The following NFATC2 variants were observed in gnomAD, a reference collection of about 807,000 sequenced individuals.
NFATC2 encodes the protein nuclear factor of activated T cells 2, also known as nuclear factor of activated T-cells, cytoplasmic 2.
NFATC2 carries 22 observed loss-of-function variants against 87.3 expected under a neutral mutation model. The observed-to-expected ratio is 0.25, with a 90% CI of 0.18 to 0.36. The LOEUF is 0.36. Among genes scored for constraint, NFATC2 ranks in the 10% least tolerant of loss-of-function variants. The pLI, the probability that NFATC2 is intolerant of heterozygous loss-of-function variation, is 1.00. For missense variants in NFATC2, 1,149 were observed against 1,259.1 expected (o/e 0.91, Z 1.32); for synonymous variants, 565 against 542.2 (o/e 1.04, Z -0.58).
intron 9 of NFATC2, among the ~76,000 whole-genome samples, chr20:51,426,924 G>A (rs1981922760): frequency 6.6e-6 from 1 of 152,060 alleles, no homozygotes; most frequent in African/African-American, 2.4e-5. Flanking sequence ...GAAGAACAGG[G>A]CAGAAGTAGA....
intron 9 of NFATC2, among the ~76,000 whole-genome samples, chr20:51,404,236 C>A (rs1444423555): frequency 6.6e-6 from 1 of 152,194 alleles, no homozygotes; most frequent in Non-Finnish European, 1.5e-5. Flanking sequence ...GGGTCAGAGT[C>A]CCAGGGACAC....
intron 9 of NFATC2, among the ~76,000 whole-genome samples, chr20:51,408,251 C>T (rs985485668): frequency 5.9e-5 from 9 of 152,116 alleles, no homozygotes; most frequent in South Asian, 2.1e-4. Context: ...TGGTGGCTCA[C>T]GCCTGTAATC....
In NFATC2 at chr20:51,391,155, C is replaced by T; in HGVS notation, c.*341G>A. On this transcript the variant is annotated 3_prime_UTR_variant, in exon 11 of 11. Coordinates refer to ENST00000371564, the MANE Select transcript of NFATC2 (RefSeq NM_012340.5). ...GCAGGTGCTTACTATTTGGACGGAA[C>T]ACCATTAAGATCAACCAGGATGCTC... The T allele has an allele frequency of 1.5e-6, 1 of 663,500 alleles. No individual in the cohort carries two copies. Among genetic ancestry groups the T allele is most frequent in the Non-Finnish European group, 2.8e-6 (1 of 360,112 alleles). 41.1% of individuals were successfully genotyped at this position (663,500 alleles called of 1,614,324 possible).
intron 6 of NFATC2, among the ~76,000 whole-genome samples, chr20:51,441,435 G>A (rs1224394217): frequency 1.3e-5 from 2 of 151,758 alleles, no homozygotes; most frequent in Non-Finnish European, 2.9e-5. Flanking sequence ...ATAAAGTTTG[G>A]CCAGGTTCGG....
chr20:51,472,585 C>T (rs1452169474), intron 5 of NFATC2, among the ~76,000 whole-genome samples: 1 of 149,846 alleles, frequency 6.7e-6, no homozygotes, highest in South Asian at 2.1e-4. Context: ...ACAATAGAAA[C>T]AGTTTTTGTT....
At chr20:51,454,517 G>A in intron 6 of NFATC2, 31 bp downstream of exon 6, 1 of 1,612,116 alleles carries the variant, frequency 6.2e-7, no homozygotes. Context: ...TGATTCTGGG[G>A]GACAGAGAAA....
chr20:51,553,242 T>C (rs1165184914), intron 1 of NFATC2, among the ~76,000 whole-genome samples: 2 of 152,146 alleles, frequency 1.3e-5, no homozygotes, highest in African/African-American at 4.8e-5. Context: ...CGGGAGCCTG[T>C]GAGCTTGAGC....
At position 51,435,590 on chromosome 20, in the gene NFATC2, T is replaced by A. The variant is rs1983440490; in HGVS notation, c.1905+116A>T. The A allele has an allele frequency of 5.3e-6, 6 of 1,138,142 alleles. No homozygotes were observed. The East Asian group carries it at 1.3e-4, about 24-fold the overall frequency. The allele number at this position is 1,138,142 out of a possible 1,614,324, so 70.5% of individuals were successfully genotyped here. A position where few individuals can be genotyped will look rare whatever the true frequency, so the allele number is the denominator to read the frequency against. On this transcript the variant is annotated intron_variant, in intron 7 of 10. Coordinates refer to ENST00000371564, the MANE Select transcript of NFATC2 (RefSeq NM_012340.5). ...CATTAATATGCACATATTGAGTACC[T>A]GTTAGGTCCAGAGCTCTGGGGGACA...
intron 9 of NFATC2, among the ~76,000 whole-genome samples, chr20:51,416,610 T>C (rs530534406): frequency 2.0e-5 from 3 of 152,334 alleles, no homozygotes; most frequent in African/African-American, 7.2e-5. Context: ...AAGACATTTC[T>C]GCAGCCCTGG....
rs770217617 is a variant in NFATC2, at chr20:51,524,108, C to T, written c.133G>A (p.Glu45Lys). 5.5e-6 allele frequency: 8 copies of T among 1,452,042 alleles called. No individual in the cohort carries two copies. Among genetic ancestry groups the T allele is most frequent in the Non-Finnish European group, 6.3e-6 (7 of 1,104,700 alleles). The allele number at this position is 1,452,042 out of a possible 1,614,324, so 89.9% of individuals were successfully genotyped here. Residue 45 changes from glutamate to lysine, a missense_variant and splice_region_variant, in exon 2 of 11, where the codon GAG becomes AAG. This residue lies in a region of NFATC2 where 563 missense variants were observed against 585.2 expected (regional missense o/e 0.96). Coordinates refer to ENST00000371564, the MANE Select transcript of NFATC2 (RefSeq NM_012340.5). The surrounding 1 kb of genome is among the most constrained non-coding windows in gnomAD (Gnocchi z 4.0). ...DYEYLNPNEE[E>K]PNAHKVASPP... is the part of the protein sequence containing the mutation. The stretch of plus-strand genomic sequence containing the variant: ...CTGGCGACCTTATGTGCATTCGGCT[C>T]TTCTGGAAAGAGAAGGGGGAAGGGG...
intron 9 of NFATC2, among the ~76,000 whole-genome samples, chr20:51,407,305 A>G (rs1348577300): frequency 6.6e-6 from 1 of 152,122 alleles, no homozygotes. Context: ...TTCCAACAGA[A>G]CACTTGGCAC....
intron 9 of NFATC2, among the ~76,000 whole-genome samples, chr20:51,413,012 G>A (rs1315423995): frequency 3.8e-4 from 15 of 39,838 alleles, no homozygotes; most frequent in South Asian, 1.7e-3. Flanking sequence ...CCCCCTCCCC[G>A]CCAAACACAT....
At chr20:51,525,187 G>A (rs532812817) in intron 1 of NFATC2, among the ~76,000 whole-genome samples, 63 of 152,258 alleles carry the variant, frequency 4.1e-4, no homozygotes, top group Middle Eastern at 6.8e-3. Context: ...GCCACTGCAT[G>A]CCGGCCTGGG....
chr20:51,528,628 G>C (rs2076584783), intron 1 of NFATC2, among the ~76,000 whole-genome samples: 1 of 152,192 alleles, frequency 6.6e-6, no homozygotes, highest in Non-Finnish European at 1.5e-5. Context: ...GGAGGACAGT[G>C]GCATGGCAGA....
intron 1 of NFATC2, among the ~76,000 whole-genome samples, chr20:51,556,263 T>C (rs753280397): frequency 1.3e-5 from 2 of 152,184 alleles, no homozygotes; most frequent in East Asian, 3.9e-4. Context: ...TATGAGAGAA[T>C]AAATATGTAT....
intron 5 of NFATC2, among the ~76,000 whole-genome samples, chr20:51,467,662 CT>C (rs1464909425): frequency 6.6e-6 from 1 of 152,166 alleles, no homozygotes; most frequent in Admixed American, 6.5e-5. Context: ...CCATTTTACT[CT>C]CATTAGAAGG....
At position 51,391,047 on chromosome 20, in the gene NFATC2, C is replaced by G; in HGVS notation, c.*449G>C. The G allele has an allele frequency of 2.4e-6, 1 of 421,282 alleles. No individual in the cohort carries two copies. Among genetic ancestry groups the G allele is most frequent in the Middle Eastern group, 7.4e-4 (1 of 1,346 alleles). 26.1% of individuals were successfully genotyped at this position (421,282 alleles called of 1,614,324 possible). A position where few individuals can be genotyped will look rare whatever the true frequency, so the allele number is the denominator to read the frequency against. On this transcript the variant is annotated 3_prime_UTR_variant, in exon 11 of 11. Coordinates refer to ENST00000371564, the MANE Select transcript of NFATC2 (RefSeq NM_012340.5). Reference sequence around the variant, plus strand: ...ATCACAGTGCCCACATCTTCTGTCCCCCGTCCATCCCCCCAAGCTCCAGTC... The same window carrying G: ...ATCACAGTGCCCACATCTTCTGTCCGCCGTCCATCCCCCCAAGCTCCAGTC...
chr20:51,529,457 T>C (rs1316819603), intron 1 of NFATC2, among the ~76,000 whole-genome samples: 1 of 152,216 alleles, frequency 6.6e-6, no homozygotes, highest in African/African-American at 2.4e-5. Flanking sequence ...CCCTGGGTAT[T>C]TGACAGTAAA....
chr20:51,391,290 G>T lies in NFATC2; in HGVS notation c.*206C>A. ...TTAGTGCCCATACATTGATCCGCGT[G>T]TGGACTCCGGGCTGGGAGATGAACA... On this transcript the variant is annotated 3_prime_UTR_variant, in exon 11 of 11. Coordinates refer to ENST00000371564, the MANE Select transcript of NFATC2 (RefSeq NM_012340.5). 1.6e-6 allele frequency: 2 copies of T among 1,216,106 alleles called. No homozygotes were observed. The highest frequency in any genetic ancestry group is 2.4e-6 in the Non-Finnish European group (2 of 817,762). 75.3% of individuals were successfully genotyped at this position (1,216,106 alleles called of 1,614,324 possible). A position where few individuals can be genotyped will look rare whatever the true frequency, so the allele number is the denominator to read the frequency against.
Sources: gnomAD v4.1 joint callset for allele counts (sites outside exome capture counted in the v4.1 genomes callset) on GRCh38, gnomAD v4.1.1 for gene constraint, gnomAD v4.1.1 regional missense constraint, Gnocchi (gnomAD v3.1) non-coding constraint, MANE v1.5 for transcripts, NCBI Gene and HGNC (gene_info 2026-07-23, HGNC 2026-07-21) for gene names.